The following FARS2 variants were observed in gnomAD, a reference collection of about 807,000 sequenced individuals.
FARS2 encodes phenylalanine--tRNA ligase, mitochondrial.
A neutral mutation model predicts 46.4 loss-of-function variants in FARS2; 40 were observed. That is an observed-to-expected ratio of 0.86 (90% CI 0.67 to 1.12). FARS2 has a LOEUF of 1.12. Ranked by LOEUF, FARS2 falls within the 50% of genes most tolerant of loss-of-function variation. FARS2 has a pLI of 0.00. For synonymous variants in FARS2, 234 were observed against 214.9 expected (o/e 1.09, Z -0.78); for missense variants, 513 against 567.9 (o/e 0.90, Z 0.98).
chr6:5,461,616 A>G (rs1765249055), intron 4 of FARS2, among the ~76,000 whole-genome samples: 1 of 152,078 alleles, frequency 6.6e-6, no homozygotes, highest in Admixed American at 6.5e-5. Context: ...ACAGGAGTGC[A>G]GTGGTGCGAT....
intron 4 of FARS2, among the ~76,000 whole-genome samples, chr6:5,539,275 C>T (rs1052607183): frequency 9.3e-5 from 14 of 150,458 alleles, no homozygotes; most frequent in African/African-American, 3.0e-4. Flanking sequence ...GGCACGATCT[C>T]GGCTCACTGC....
chr6:5,470,023 A>G (rs1158957310), intron 4 of FARS2, among the ~76,000 whole-genome samples: 67 of 152,236 alleles, frequency 4.4e-4, no homozygotes, highest in Non-Finnish European at 1.5e-5. Flanking sequence ...AGCACTTAGA[A>G]TAGTTTCTGA....
At chr6:5,421,776 A>G (rs570877303) in intron 3 of FARS2, among the ~76,000 whole-genome samples, 116 of 152,336 alleles carry the variant, frequency 7.6e-4, no homozygotes, top group Middle Eastern at 3.4e-3. Flanking sequence ...ATCTGAGACC[A>G]TCTCAGCCTG....
rs1758070651 is a variant in FARS2 at position 5,695,827 on chromosome 6, A to G, written c.1218-75464A>G. On this transcript the variant is annotated intron_variant, in intron 6 of 6. Coordinates refer to ENST00000274680, the MANE Select transcript of FARS2 (RefSeq NM_006567.5). ...ACAAACCGCACCAAAAAATTGGATC[A>G]GGAATGTATAACAAACTAGTGGGTG... Among the ~76,000 whole-genome samples, 4 of 152,352 alleles carry G rather than the reference A, an allele frequency of 2.6e-5. No homozygotes were observed. In the South Asian group the frequency reaches 6.2e-4, roughly 24 times the overall value.
chr6:5,751,096 C>T (rs928787931), intron 6 of FARS2, among the ~76,000 whole-genome samples: 1 of 152,102 alleles, frequency 6.6e-6, no homozygotes, highest in Non-Finnish European at 1.5e-5. Flanking sequence ...GCATTCCAGG[C>T]CCAAACTCAG....
chr6:5,492,093 G>A (rs1767158396), intron 4 of FARS2, among the ~76,000 whole-genome samples: 1 of 152,158 alleles, frequency 6.6e-6, no homozygotes, highest in South Asian at 2.1e-4. Flanking sequence ...GAAACGGTAT[G>A]TGCATAGATT....
At chr6:5,585,873 G>T (rs549235230) in intron 5 of FARS2, among the ~76,000 whole-genome samples, 2 of 151,956 alleles carry the variant, frequency 1.3e-5, no homozygotes, top group East Asian at 3.9e-4. Context: ...ATGAACATGG[G>T]GTACAGATCT....
chr6:5,438,248 C>CCA, intron 4 of FARS2, among the ~76,000 whole-genome samples: 1 of 10,650 alleles, frequency 9.4e-5, no homozygotes, highest in East Asian at 2.5e-3. Flanking sequence ...CACCCCCCGC[C>CCA]CCCCCCCCCA....
At chr6:5,407,909 G>C (rs79251281) in intron 3 of FARS2, among the ~76,000 whole-genome samples, 2,115 of 152,292 alleles carry the variant, frequency 0.014, 54 homozygotes, top group African/African-American at 0.048. Flanking sequence ...TTTAGAGGCA[G>C]GGTGAGGTAG....
chr6:5,766,985 C>A (rs1443240650), intron 6 of FARS2, among the ~76,000 whole-genome samples: 1 of 151,506 alleles, frequency 6.6e-6, no homozygotes, highest in African/African-American at 2.4e-5. Context: ...ATCCATGTAT[C>A]AGTACTTCAT....
chr6:5,260,590 A>AC, upstream of FARS2: 1 of 1,270,486 alleles, frequency 7.9e-7, no homozygotes, highest in Non-Finnish European at 1.1e-6. Flanking sequence ...GTCAGCCCGC[A>AC]CCCCCGGTCC....
In FARS2 at chr6:5,617,348, T is replaced by A. The variant is rs1014348828; in HGVS notation, c.1217+4028T>A. The stretch of plus-strand genomic sequence containing the variant: ...ATTGTACAGATATTTATAGACTATT[T>A]TTTTGGAGCTATGCCAAAGGGCATG... On this transcript the variant is annotated intron_variant, in intron 6 of 6. Transcript: ENST00000274680. Among the ~76,000 whole-genome samples the A allele has an allele frequency of 2.0e-5, 3 of 152,246 alleles. 1 individual carries two copies. Among genetic ancestry groups the A allele is most frequent in the Admixed American group, 2.0e-4 (3 of 15,288 alleles).
chr6:5,618,158 A>G (rs1412463897), intron 6 of FARS2, among the ~76,000 whole-genome samples: 1 of 152,140 alleles, frequency 6.6e-6, no homozygotes, highest in Non-Finnish European at 1.5e-5. Flanking sequence ...AATTTGGCCC[A>G]TGGGCTGTAG....
intron 4 of FARS2, among the ~76,000 whole-genome samples, chr6:5,484,564 T>C (rs1003079329): frequency 6.6e-6 from 1 of 152,218 alleles, no homozygotes; most frequent in African/African-American, 2.4e-5. Flanking sequence ...CTGACTGCTT[T>C]ATTGGACAGT....
At chr6:5,474,661 CTGT>C (rs1766009468) in intron 4 of FARS2, among the ~76,000 whole-genome samples, 1 of 71,316 alleles carries the variant, frequency 1.4e-5, no homozygotes, top group East Asian at 6.1e-4. Context: ...AAATACAGTA[CTGT>C]TTTTTTTTTT....
At position 5,311,011 on chromosome 6, in the gene FARS2, C is replaced by T. The variant is rs142132166; in HGVS notation, c.-22+49351C>T. On this transcript the variant is annotated intron_variant, in intron 1 of 6. Coordinates refer to ENST00000274680, the MANE Select transcript of FARS2 (RefSeq NM_006567.5). This position sits in a 1 kb window ranked among gnomAD's most constrained non-coding sequence, Gnocchi z 4.1. Reference sequence around the variant, plus strand: ...AAAAAGTTACTCTTCTTCTGTGCTTCCAAAGGTTTGCTAAAATACGTGGGC... The same window carrying T: ...AAAAAGTTACTCTTCTTCTGTGCTTTCAAAGGTTTGCTAAAATACGTGGGC... Among the ~76,000 whole-genome samples, 1,218 of 152,324 alleles carry T rather than the reference C, an allele frequency of 8.0e-3. 9 individuals carry two copies. Among genetic ancestry groups the T allele is most frequent in the Middle Eastern group, 0.014 (4 of 294 alleles).
chr6:5,254,539 C>G, the FARS2 span, among the ~76,000 whole-genome samples: 4 of 152,150 alleles, frequency 2.6e-5, no homozygotes, highest in Non-Finnish European at 5.9e-5. Context: ...AACTTGCTAC[C>G]TAGGTACTAT....
intron 6 of FARS2, among the ~76,000 whole-genome samples, chr6:5,754,462 A>G (rs1762107690): frequency 6.6e-6 from 1 of 152,216 alleles, no homozygotes; most frequent in Non-Finnish European, 1.5e-5. Flanking sequence ...CGGCTTTAAA[A>G]CAGTCTTGCC....
At chr6:5,548,165 G>A (rs765783103) in intron 5 of FARS2, among the ~76,000 whole-genome samples, 4 of 152,122 alleles carry the variant, frequency 2.6e-5, no homozygotes, top group Non-Finnish European at 4.4e-5. Context: ...AGGAAAGACC[G>A]GCCCCTGTGA....
Sources: allele counts gnomAD v4.1 joint callset (sites outside exome capture counted in the v4.1 genomes callset), GRCh38; gene constraint gnomAD v4.1.1; non-coding constraint Gnocchi (gnomAD v3.1); transcripts MANE v1.5; gene names NCBI Gene and HGNC (gene_info 2026-07-23, HGNC 2026-07-21).